Variants in GSE1 observed in about 807,000 individuals in gnomAD.
The protein encoded by GSE1 is genetic suppressor element 1.
A neutral mutation model predicts 112.6 loss-of-function variants in GSE1; 32 were observed. That is an observed-to-expected ratio of 0.28 (90% CI 0.21 to 0.38). GSE1 has a LOEUF of 0.38. GSE1 is among the 10% of genes least tolerant of loss of function. GSE1 has a pLI of 1.00. For missense variants in GSE1, 2,348 were observed against 1,699.2 expected (o/e 1.38, Z -6.71); for synonymous variants, 1,115 against 735.6 (o/e 1.52, Z -8.35).
intron 1 of GSE1, among the ~76,000 whole-genome samples, chr16:85,199,814 C>T (rs2074995552): frequency 3.3e-5 from 5 of 152,024 alleles, no homozygotes; most frequent in Non-Finnish European, 1.5e-5. Flanking sequence ...GCTGGCAGAC[C>T]CCCGTGTGGA....
At chr16:85,253,057 C>CA (rs1906658476) in intron 1 of GSE1, among the ~76,000 whole-genome samples, 1 of 63,610 alleles carries the variant, frequency 1.6e-5, no homozygotes, top group Non-Finnish European at 3.2e-5. Context: ...TAGGCGCCCC[C>CA]GCCCCCCCCC....
intron 1 of GSE1, among the ~76,000 whole-genome samples, chr16:85,183,530 C>G (rs1179562709): frequency 6.6e-6 from 1 of 152,264 alleles, no homozygotes; most frequent in Non-Finnish European, 1.5e-5. Flanking sequence ...TCTGGGTTCT[C>G]ATCTGTGACC....
intron 2 of GSE1, among the ~76,000 whole-genome samples, chr16:85,440,770 C>G (rs1453891397): frequency 6.6e-6 from 1 of 152,246 alleles, no homozygotes; most frequent in Non-Finnish European, 1.5e-5. Flanking sequence ...GAGGTGGGGC[C>G]TTGCTGGGAG....
At chr16:85,292,518 G>T (rs113655329) in intron 1 of GSE1, among the ~76,000 whole-genome samples, 5 of 152,070 alleles carry the variant, frequency 3.3e-5, no homozygotes, top group African/African-American at 1.2e-4. Context: ...TAGTAGAGAT[G>T]GGGTTTCACC....
At chr16:85,207,280 C>T (rs1199300588) in intron 1 of GSE1, among the ~76,000 whole-genome samples, 2 of 152,252 alleles carry the variant, frequency 1.3e-5, no homozygotes, top group Non-Finnish European at 2.9e-5. Flanking sequence ...ACTCAGGCTC[C>T]GCTCTGCGGG....
intron 1 of GSE1, among the ~76,000 whole-genome samples, chr16:85,583,808 A>C (rs577495768): frequency 3.9e-5 from 6 of 152,190 alleles, no homozygotes; most frequent in African/African-American, 1.4e-4. Flanking sequence ...CCTGACCCAG[A>C]AAAGGCAATT....
At chr16:85,169,913 G>A (rs2074330649) in exon 1 of GSE1, 1 of 984,312 alleles carries the variant, frequency 1.0e-6, no homozygotes. Flanking sequence ...GGCCGCCGTG[G>A]CGGCGCCGGG....
chr16:85,634,183 C>T (rs764870639), intron 2 of GSE1, 51 bp downstream of exon 2: 93 of 1,259,788 alleles, frequency 7.4e-5, no homozygotes, highest in South Asian at 5.7e-4. Flanking sequence ...CTCCCGAGGC[C>T]GGGACTCAGC....
At chr16:85,611,746 T>A (rs1478517564), upstream of GSE1, among the ~76,000 whole-genome samples, 1 of 151,492 alleles carries the variant, frequency 6.6e-6, no homozygotes, top group African/African-American at 2.4e-5. Flanking sequence ...CTGGTTCTGC[T>A]CCCCGCTGGC....
intron 13 of GSE1, among the ~76,000 whole-genome samples, chr16:85,667,695 C>T (rs2052984834): frequency 1.3e-5 from 2 of 152,164 alleles, no homozygotes; most frequent in African/African-American, 4.8e-5. Context: ...CCTGTTTCTA[C>T]TAAAAATGCA....
chr16:85,529,858 A>G (rs2044082791), intron 2 of GSE1, among the ~76,000 whole-genome samples: 2 of 152,240 alleles, frequency 1.3e-5, no homozygotes, highest in Admixed American at 1.3e-4. Flanking sequence ...GGGAGCCACG[A>G]AACACCTCTG....
chr16:85,650,589 A>G (rs1302575182), intron 3 of GSE1, among the ~76,000 whole-genome samples: 1 of 152,102 alleles, frequency 6.6e-6, no homozygotes, highest in Non-Finnish European at 1.5e-5. Context: ...CCTCGGGAAC[A>G]TTGAGCTACC....
upstream of GSE1, among the ~76,000 whole-genome samples, chr16:85,608,387 C>A (rs1157803782): frequency 6.6e-6 from 1 of 152,158 alleles, no homozygotes; most frequent in Admixed American, 6.5e-5. Flanking sequence ...ACTGTGCATA[C>A]AGGGGAGCTG....
upstream of GSE1, among the ~76,000 whole-genome samples, chr16:85,607,735 C>G (rs2151514843): frequency 1.3e-5 from 2 of 152,360 alleles, 1 homozygote; most frequent in South Asian, 4.1e-4. Context: ...GCTTTCCCCT[C>G]TCTCCCTCCA....
chr16:85,650,890 C>T (rs926041733), intron 3 of GSE1, among the ~76,000 whole-genome samples: 1 of 151,880 alleles, frequency 6.6e-6, no homozygotes, highest in Non-Finnish European at 1.5e-5. Flanking sequence ...TTCTCGGGGT[C>T]ACCCCTCTCT....
intron 1 of GSE1, among the ~76,000 whole-genome samples, chr16:85,205,256 C>T (rs1429919610): frequency 2.6e-5 from 4 of 152,078 alleles, no homozygotes; most frequent in Non-Finnish European, 4.4e-5. Context: ...CTCAACCTCC[C>T]GAGTAGCTGG....
At chr16:85,335,616 C>T (rs2046466442) in intron 1 of GSE1, among the ~76,000 whole-genome samples, 5 of 152,132 alleles carry the variant, frequency 3.3e-5, no homozygotes, top group Admixed American at 3.3e-4. Context: ...GCAAAAGGTG[C>T]CCGGCTCCTC....
chr16:85,380,053 G>A (rs1251352119), intron 2 of GSE1, among the ~76,000 whole-genome samples: 1 of 152,210 alleles, frequency 6.6e-6, no homozygotes. Context: ...CCCAAGCATT[G>A]CCATTTCTAG....
chr16:85,486,622 C>T (rs2050848121), intron 2 of GSE1, among the ~76,000 whole-genome samples: 1 of 152,212 alleles, frequency 6.6e-6, no homozygotes, highest in Non-Finnish European at 1.5e-5. Flanking sequence ...CCTGAGAGGC[C>T]TGCCCTGGTC....
Sources: gnomAD v4.1 joint callset for allele counts (sites outside exome capture counted in the v4.1 genomes callset) on GRCh38, gnomAD v4.1.1 for gene constraint, MANE v1.5 for transcripts, NCBI Gene and HGNC (gene_info 2026-07-23, HGNC 2026-07-21) for gene names.